Variants in ANAPC5 observed in about 807,000 individuals in gnomAD.
The protein encoded by ANAPC5 is anaphase promoting complex subunit 5.
ANAPC5 carries 60 observed loss-of-function variants against 91.3 expected under a neutral mutation model. That is an observed-to-expected ratio of 0.66 (90% confidence interval 0.53 to 0.81). The LOEUF (loss-of-function observed/expected upper bound fraction) is 0.81. ANAPC5 is among the 40% of genes least tolerant of loss of function. The pLI is 0.00. For missense variants in ANAPC5, 690 were observed against 931.5 expected (o/e 0.74, Z 3.37); for synonymous variants, 340 against 364.1 (o/e 0.93, Z 0.75).
intron 15 of ANAPC5, 95 bp from the exon 16 acceptor site, chr12:121,309,958 T>A (rs1306187814): frequency 7.8e-7 from 1 of 1,282,072 alleles, no homozygotes; most frequent in African/African-American, 1.5e-5. Flanking sequence ...TGAATGGCTA[T>A]CTCTGGCTTA....
At chr12:121,319,945 G>C in intron 12 of ANAPC5, 127 bp from the exon 13 acceptor site, 1 of 969,916 alleles carries the variant, frequency 1.0e-6, no homozygotes, top group Non-Finnish European at 1.4e-6. Flanking sequence ...TTTTTGGGGG[G>C]ATTTAAAATT....
intron 11 of ANAPC5, among the ~76,000 whole-genome samples, chr12:121,323,531 C>G (rs1902699338): frequency 6.6e-6 from 1 of 152,022 alleles, no homozygotes; most frequent in Admixed American, 6.6e-5. Context: ...GGGGTTTCAC[C>G]ATGTTGCATA....
chr12:121,352,743 T>TGG (rs1555275639), upstream of ANAPC5, among the ~76,000 whole-genome samples: 25 of 150,452 alleles, frequency 1.7e-4, no homozygotes, highest in East Asian at 3.9e-4. Flanking sequence ...GTGGTTGTCG[T>TGG]TGTTGTTGTT....
Position 121,342,487 on chromosome 12 carries a change from G to GA in ANAPC5, c.591-419dup, listed in dbSNP as rs1555274198. ...GAGGCCAAAAACCGTAAAACTCTTA[G>GA]AAGATCTTCCTTCCACCTGCTAGTA... is the stretch of plus-strand genomic sequence containing the variant. On this transcript the variant is annotated intron_variant, in intron 4 of 16. Coordinates refer to ENST00000261819, the MANE Select transcript of ANAPC5 (RefSeq NM_016237.5). This position sits in a 1 kb window ranked among gnomAD's most constrained non-coding sequence, Gnocchi z 4.1. Among the ~76,000 whole-genome samples the GA allele has an allele frequency of 1.3e-5, 2 of 152,148 alleles. No homozygotes were observed. The highest frequency in any genetic ancestry group is 4.8e-5 in the African/African-American group (2 of 41,436).
rs962222043 is a variant in ANAPC5 at position 121,342,797 on chromosome 12, T to C, written c.591-728A>G. Among the ~76,000 whole-genome samples, 11 of 152,198 alleles carry C rather than the reference T, an allele frequency of 7.2e-5. No homozygotes were observed. In the East Asian group the frequency reaches 2.1e-3, roughly 29 times the overall value. The stretch of plus-strand genomic sequence containing the variant: ...TTGTTTGATCCCGGGAGGTGGAGGT[T>C]GCAGCGAGCCAAGATCACGCCACTG... On this transcript the variant is annotated intron_variant, in intron 4 of 16. Transcript: ENST00000261819. This position sits in a 1 kb window ranked among gnomAD's most constrained non-coding sequence, Gnocchi z 4.1.
chr12:121,330,687 C>T lies in ANAPC5; in HGVS notation c.1033-15G>A. Reference sequence around the variant, plus strand: ...TAAAGCCAGCTCTGGCAAGAGAAATCATCAAAATATATCATAACAGTGGCA... The same window carrying T: ...TAAAGCCAGCTCTGGCAAGAGAAATTATCAAAATATATCATAACAGTGGCA... On this transcript the variant is annotated splice_polypyrimidine_tract_variant and intron_variant, in intron 8 of 16. Transcript: ENST00000261819. 1 of 1,607,342 alleles carries T rather than the reference C, an allele frequency of 6.2e-7. No individual in the cohort carries two copies. The highest frequency in any genetic ancestry group is 1.1e-5 in the South Asian group (1 of 90,900).
At chr12:121,315,340 A>G (rs541000869) in intron 15 of ANAPC5, among the ~76,000 whole-genome samples, 1 of 152,364 alleles carries the variant, frequency 6.6e-6, no homozygotes, top group South Asian at 2.1e-4. Flanking sequence ...GGAAGAGAAT[A>G]GCATTAAGAT....
At chr12:121,315,910 T>C (rs2686358) in intron 15 of ANAPC5, among the ~76,000 whole-genome samples, 42,601 of 152,102 alleles carry the variant, frequency 0.28, 10,718 homozygotes, top group African/African-American at 0.68. Flanking sequence ...GACATGATAC[T>C]AAAAGCACAA....
intron 9 of ANAPC5, 134 bp from the exon 10 acceptor site, chr12:121,328,631 T>TTTTTTTTC: frequency 9.9e-6 from 8 of 805,120 alleles, no homozygotes. Flanking sequence ...AAAGTACCTA[T>TTTTTTTTC]AACCTGGCCT....
chr12:121,309,661 T>A, intron 16 of ANAPC5, 40 bp downstream of exon 16: 1 of 1,562,138 alleles, frequency 6.4e-7, no homozygotes, highest in Non-Finnish European at 8.7e-7. Flanking sequence ...CAATGCTTTC[T>A]GGAATAGCAT....
intron 13 of ANAPC5, among the ~76,000 whole-genome samples, chr12:121,319,057 T>C (rs1163203685): frequency 6.6e-6 from 1 of 151,918 alleles, no homozygotes; most frequent in African/African-American, 2.4e-5. Flanking sequence ...AAGAATAAAT[T>C]GTATGTGTGT....
intron 1 of ANAPC5, chr12:121,351,241 C>T (rs1903880355): frequency 2.9e-6 from 1 of 345,274 alleles, no homozygotes; most frequent in Non-Finnish European, 5.7e-6. Flanking sequence ...GGCGTAGTGA[C>T]CCGCGCCTGT....
intron 11 of ANAPC5, among the ~76,000 whole-genome samples, chr12:121,321,604 T>A (rs896837965): frequency 5.4e-5 from 8 of 149,424 alleles, no homozygotes; most frequent in Admixed American, 4.0e-4. Flanking sequence ...TGATCTTGAC[T>A]CACTGCAACC....
intron 15 of ANAPC5, chr12:121,317,825 AC>A (rs1566180914): frequency 6.5e-6 from 1 of 152,896 alleles, no homozygotes; most frequent in Non-Finnish European, 1.5e-5. Flanking sequence ...CCTATAAGGT[AC>A]TAGGGAATAT....
Position 121,329,080 on chromosome 12 carries a change from A to G in ANAPC5, c.1123-583T>C, listed in dbSNP as rs147155453. ...CTTACTTCAAGGAGCCACTTTTGTCATTATAATCAATTCTGTACGTATGAG... is the reference window on the plus strand; with the variant it reads ...CTTACTTCAAGGAGCCACTTTTGTCGTTATAATCAATTCTGTACGTATGAG... On this transcript the variant is annotated intron_variant, in intron 9 of 16. Coordinates refer to ENST00000261819, the MANE Select transcript of ANAPC5 (RefSeq NM_016237.5). The G allele has an allele frequency of 3.3e-5, 5 of 152,674 alleles. No individual in the cohort carries two copies. The East Asian group carries it at 9.6e-4, about 29-fold the overall frequency. The allele number at this position is 152,674 out of a possible 1,614,324, so 9.5% of individuals were successfully genotyped here.
At position 121,342,675 on chromosome 12, in the gene ANAPC5, A is replaced by G. The variant is rs1566195525; in HGVS notation, c.591-606T>C. On this transcript the variant is annotated intron_variant, in intron 4 of 16. Coordinates refer to ENST00000261819, the MANE Select transcript of ANAPC5 (RefSeq NM_016237.5). This position sits in a 1 kb window ranked among gnomAD's most constrained non-coding sequence, Gnocchi z 4.1. Reference sequence around the variant, plus strand: ...AGAGATCAAGACCATCCTGACCAACATGGTGAAAACCTGTCTCTACTAAAA... The same window carrying G: ...AGAGATCAAGACCATCCTGACCAACGTGGTGAAAACCTGTCTCTACTAAAA... 6.6e-6 allele frequency among the ~76,000 whole-genome samples: 1 copy of G among 152,192 alleles called. No individual in the cohort carries two copies. Among genetic ancestry groups the G allele is most frequent in the Non-Finnish European group, 1.5e-5 (1 of 68,030 alleles).
At chr12:121,321,367 T>A (rs1350496970) in intron 11 of ANAPC5, among the ~76,000 whole-genome samples, 8 of 129,144 alleles carry the variant, frequency 6.2e-5, no homozygotes, top group African/African-American at 8.1e-5. Context: ...TTTTTTTTTT[T>A]ATGAGACAGG....
chr12:121,317,730 C>T (rs1902425929), intron 15 of ANAPC5, among the ~76,000 whole-genome samples: 1 of 152,188 alleles, frequency 6.6e-6, no homozygotes, highest in Non-Finnish European at 1.5e-5. Context: ...GGAGAACCTC[C>T]ACTTTAATTA....
intron 2 of ANAPC5, chr12:121,347,475 C>CA (rs1903714843): frequency 3.5e-6 from 1 of 283,030 alleles, no homozygotes; most frequent in South Asian, 5.4e-5. Flanking sequence ...ACTAAAAATA[C>CA]AAAAAATTAG....
Sources: allele counts gnomAD v4.1 joint callset (sites outside exome capture counted in the v4.1 genomes callset), GRCh38; gene constraint gnomAD v4.1.1; non-coding constraint Gnocchi (gnomAD v3.1); transcripts MANE v1.5; gene names NCBI Gene and HGNC (gene_info 2026-07-23, HGNC 2026-07-21).